The following ITPR1 variants were observed in gnomAD, a reference collection of about 807,000 sequenced individuals.
The protein encoded by ITPR1 is inositol 1,4,5-trisphosphate-gated calcium channel ITPR1.
A neutral mutation model predicts 318.4 loss-of-function variants in ITPR1; 96 were observed. The ratio of observed to expected loss-of-function variants is 0.30; its 90% CI spans 0.26 to 0.36. The LOEUF is 0.36. Among genes scored for constraint, ITPR1 ranks in the 10% least tolerant of loss-of-function variants. The probability of loss-of-function intolerance (pLI) is 1.00; values close to 1 mark genes in which losing one functional copy is unlikely to be tolerated. For missense variants in ITPR1, 2,440 were observed against 3,460.2 expected (o/e 0.71, Z 7.40); for synonymous variants, 1,312 against 1,289.9 (o/e 1.02, Z -0.37).
chr3:4,748,068 GC>G (rs574685923), intron 44 of ITPR1, among the ~76,000 whole-genome samples: 35 of 152,322 alleles, frequency 2.3e-4, no homozygotes, highest in African/African-American at 8.2e-4. Context: ...TGTGCGTGGA[GC>G]CAGTAGGTAC....
intron 60 of ITPR1, among the ~76,000 whole-genome samples, chr3:4,820,753 C>T (rs1044046662): frequency 1.3e-5 from 2 of 152,232 alleles, no homozygotes; most frequent in Admixed American, 6.5e-5. Flanking sequence ...TCAGATCTAC[C>T]GCTAAACGGT....
chr3:4,742,806 G>A (rs1276459840), intron 44 of ITPR1, among the ~76,000 whole-genome samples: 1 of 152,112 alleles, frequency 6.6e-6, no homozygotes, highest in Non-Finnish European at 1.5e-5. Context: ...TGTATTTTGT[G>A]AAATGTGTTT....
At chr3:4,737,316 G>A (rs2043347133) in intron 44 of ITPR1, among the ~76,000 whole-genome samples, 1 of 152,132 alleles carries the variant, frequency 6.6e-6, no homozygotes, top group Non-Finnish European at 1.5e-5. Flanking sequence ...GTGATGCCGG[G>A]GAACCACCAA....
intron 61 of ITPR1, among the ~76,000 whole-genome samples, chr3:4,841,259 C>G (rs1430897653): frequency 1.3e-5 from 2 of 152,112 alleles, no homozygotes; most frequent in African/African-American, 4.8e-5. Flanking sequence ...TTTCATGGAG[C>G]ACAAAGAAGT....
chr3:4,807,122 AGGGGGGCTT>A (rs2048616992), intron 55 of ITPR1, among the ~76,000 whole-genome samples: 2 of 2,988 alleles, frequency 6.7e-4, no homozygotes, highest in African/African-American at 1.5e-3. Context: ...TTACAAAGAG[AGGGGGGCTT>A]ACAAAGAGAG....
At chr3:4,645,549 T>G in intron 9 of ITPR1, 33 bp from the exon 10 acceptor site, 1 of 1,609,940 alleles carries the variant, frequency 6.2e-7, no homozygotes, top group Non-Finnish European at 8.5e-7. Flanking sequence ...TTAAATTCTT[T>G]TTTCCTTAAT....
intron 4 of ITPR1, among the ~76,000 whole-genome samples, chr3:4,599,312 C>T (rs1340523003): frequency 6.6e-6 from 1 of 152,210 alleles, no homozygotes; most frequent in Non-Finnish European, 1.5e-5. Flanking sequence ...AGGCTGACTC[C>T]TGCTCACGCT....
intron 15 of ITPR1, 42 bp from the exon 16 acceptor site, chr3:4,663,023 A>G: frequency 1.3e-6 from 2 of 1,599,614 alleles, no homozygotes; most frequent in South Asian, 1.1e-5. Context: ...AGCCTGCTGA[A>G]CACTGAACAC....
intron 44 of ITPR1, among the ~76,000 whole-genome samples, chr3:4,764,964 GGATGGA>G (rs2045712627): frequency 6.6e-6 from 1 of 151,724 alleles, no homozygotes; most frequent in Non-Finnish European, 1.5e-5. Flanking sequence ...ATGGATGGAT[GGATGGA>G]TGGATGGATG....
chr3:4,693,785 G>T (rs530053384), intron 33 of ITPR1, 44 bp downstream of exon 33: 5 of 1,575,704 alleles, frequency 3.2e-6, no homozygotes, highest in Non-Finnish European at 4.3e-6. Context: ...TTGCTATGTG[G>T]TGTGTGCTGT....
chr3:4,717,435 A>ATGG (rs2041854389), intron 40 of ITPR1, 36 bp downstream of exon 40: 1 of 1,541,108 alleles, frequency 6.5e-7, no homozygotes, highest in Non-Finnish European at 8.9e-7. Context: ...TTCATGTCTC[A>ATGG]TGGTGGTGTT....
chr3:4,599,388 G>A (rs999779843), intron 4 of ITPR1, among the ~76,000 whole-genome samples: 7 of 152,200 alleles, frequency 4.6e-5, no homozygotes, highest in African/African-American at 1.7e-4. Context: ...TACAGTTTGG[G>A]AGATTTTACA....
chr3:4,582,844 C>T (rs916368947), intron 4 of ITPR1, among the ~76,000 whole-genome samples: 9 of 152,196 alleles, frequency 5.9e-5, no homozygotes, highest in Non-Finnish European at 1.2e-4. Flanking sequence ...CTTCTTCCAG[C>T]TCTGTGCGTG....
intron 55 of ITPR1, among the ~76,000 whole-genome samples, chr3:4,809,472 G>A (rs1300498149): frequency 2.0e-5 from 3 of 152,174 alleles, no homozygotes; most frequent in Non-Finnish European, 2.9e-5. Context: ...TTATGTGCCA[G>A]TATTATGGTC....
chr3:4,711,237 A>C (rs936982001), intron 38 of ITPR1, among the ~76,000 whole-genome samples: 1 of 141,348 alleles, frequency 7.1e-6, no homozygotes, highest in African/African-American at 2.6e-5. Context: ...AAAAAAAAAG[A>C]GATTTTTACC....
At chr3:4,713,630 G>A (rs754912670) in intron 39 of ITPR1, among the ~76,000 whole-genome samples, 9 of 152,208 alleles carry the variant, frequency 5.9e-5, no homozygotes, top group Admixed American at 2.6e-4. Context: ...GAGAAATGTC[G>A]TAATGCATGT....
At chr3:4,759,561 G>A (rs543207282) in intron 44 of ITPR1, among the ~76,000 whole-genome samples, 1 of 152,318 alleles carries the variant, frequency 6.6e-6, no homozygotes, top group Non-Finnish European at 1.5e-5. Flanking sequence ...AAATGTGGAA[G>A]GATGGACGAC....
chr3:4,782,674 A>C lies in ITPR1; in HGVS notation c.6443A>C (p.Glu2148Ala). The C allele has an allele frequency of 1.2e-6, 2 of 1,604,124 alleles. No homozygotes were observed. Among genetic ancestry groups the C allele is most frequent in the Non-Finnish European group, 1.7e-6 (2 of 1,174,748 alleles). Residue 2148 changes from glutamate (E) to alanine (A), a missense_variant, in exon 50 of 62, where the codon GAA becomes GCA. Around this residue, in one of 23 missense-constraint regions of ITPR1, gnomAD observed 49 missense variants for 47.2 expected, o/e 1.04. Transcript: ENST00000649015. ...GGTGAAGTGGAATTTGAGGATGGAG[A>C]AAACGGTGAGGATGGGGCGGCGTCC... ...MQGEVEFEDG[E>A]NGEDGAASPR...
At chr3:4,610,537 T>A (rs547622704) in intron 4 of ITPR1, among the ~76,000 whole-genome samples, 2 of 152,236 alleles carry the variant, frequency 1.3e-5, no homozygotes, top group African/African-American at 4.8e-5. Context: ...TTTGTAGATG[T>A]GGCATATCCT....
Sources: gnomAD v4.1 joint callset for allele counts (sites outside exome capture counted in the v4.1 genomes callset) on GRCh38, gnomAD v4.1.1 for gene constraint, gnomAD v4.1.1 regional missense constraint, MANE v1.5 for transcripts, NCBI Gene and HGNC (gene_info 2026-07-23, HGNC 2026-07-21) for gene names.